The following AKAP7 variants were observed in gnomAD, a reference collection of about 807,000 sequenced individuals.
AKAP7 encodes A kinase (PRKA) anchor protein 7.
Under a neutral mutation model 39.5 loss-of-function variants are expected in AKAP7, and 39 were observed. That is an observed-to-expected ratio of 0.99 (90% CI 0.76 to 1.29). The LOEUF (loss-of-function observed/expected upper bound fraction) is 1.29, where lower values mean the gene tolerates loss of function less well. Ranked by LOEUF, AKAP7 falls within the 50% of genes most tolerant of loss-of-function variation. AKAP7 has a pLI of 0.00. For missense variants in AKAP7, 414 were observed against 407.7 expected, an observed-to-expected ratio of 1.02 and a Z score of -0.13; for synonymous variants, 140 against 139.1, an observed-to-expected ratio of 1.01 and a Z score of -0.05.
At chr6:131,186,425 A>G (rs1288549979) in intron 5 of AKAP7, among the ~76,000 whole-genome samples, 1 of 152,086 alleles carries the variant, frequency 6.6e-6, no homozygotes, top group Non-Finnish European at 1.5e-5. Context: ...ATCCAGTCTC[A>G]GGTATTTTTT....
intron 7 of AKAP7, chr6:131,250,041 C>G (rs2128318680): frequency 2.7e-6 from 1 of 368,436 alleles, no homozygotes; most frequent in African/African-American, 2.2e-5. Flanking sequence ...TTCCAGTGTT[C>G]TGCTATGTTG....
At chr6:131,250,669 G>A in intron 7 of AKAP7, 1 of 1,588,782 alleles carries the variant, frequency 6.3e-7, no homozygotes, top group Non-Finnish European at 8.6e-7. Flanking sequence ...ATTTTGTGCG[G>A]TTGTCTTCTA....
At chr6:131,270,377 G>A (rs1814168779) in intron 7 of AKAP7, among the ~76,000 whole-genome samples, 1 of 152,142 alleles carries the variant, frequency 6.6e-6, no homozygotes, top group African/African-American at 2.4e-5. Flanking sequence ...AGTTTCATCT[G>A]TATTGTTGCC....
intron 5 of AKAP7, among the ~76,000 whole-genome samples, chr6:131,193,769 C>A (rs1806648265): frequency 6.6e-6 from 1 of 152,012 alleles, no homozygotes; most frequent in Admixed American, 6.6e-5. Flanking sequence ...CTTCATGGTT[C>A]AATCTTCATA....
chr6:131,209,029 A>C (rs1388497926), intron 6 of AKAP7, among the ~76,000 whole-genome samples: 10 of 152,196 alleles, frequency 6.6e-5, no homozygotes, highest in Admixed American at 1.3e-4. Flanking sequence ...TGGGGCAGAA[A>C]ATATTTTGAA....
At chr6:131,266,408 A>G (rs145412757) in intron 7 of AKAP7, among the ~76,000 whole-genome samples, 39 of 152,330 alleles carry the variant, frequency 2.6e-4, no homozygotes, top group African/African-American at 8.9e-4. Context: ...ATTAATTTAT[A>G]TTTACATGTC....
chr6:131,169,108 A>G lies in AKAP7; in HGVS notation c.429-5A>G, dbSNP rs761934123. On this transcript the variant is annotated splice_polypyrimidine_tract_variant and splice_region_variant and intron_variant, in intron 4 of 7. Coordinates refer to ENST00000431975, the MANE Select transcript of AKAP7 (RefSeq NM_016377.4). ...GTTACTGAAAAATGTATTATTTCTTACTAGTGGTATTGATGCTCTTTTGGA... is the reference window on the plus strand; with the variant it reads ...GTTACTGAAAAATGTATTATTTCTTGCTAGTGGTATTGATGCTCTTTTGGA... The G allele has an allele frequency of 1.8e-5, 28 of 1,597,938 alleles. No homozygotes were observed. The East Asian group carries it at 2.0e-4, about 11-fold the overall frequency.
chr6:131,264,298 T>A (rs1480448068), intron 7 of AKAP7, among the ~76,000 whole-genome samples: 1 of 152,184 alleles, frequency 6.6e-6, no homozygotes, highest in Non-Finnish European at 1.5e-5. Flanking sequence ...GTTTGGTGCA[T>A]CTAGAAACCT....
At chr6:131,262,619 AT>A (rs1008103033) in intron 7 of AKAP7, among the ~76,000 whole-genome samples, 6 of 144,164 alleles carry the variant, frequency 4.2e-5, no homozygotes, top group African/African-American at 8.4e-5. Context: ...TTTTAAAAAA[AT>A]ATATATATAT....
intron 7 of AKAP7, among the ~76,000 whole-genome samples, chr6:131,274,778 G>T (rs923860280): frequency 6.6e-6 from 1 of 152,002 alleles, no homozygotes; most frequent in Non-Finnish European, 1.5e-5. Context: ...CTGACAATAT[G>T]GAATACTTCC....
intron 1 of AKAP7, among the ~76,000 whole-genome samples, chr6:131,144,303 G>A (rs555426939): frequency 1.3e-5 from 2 of 152,190 alleles, no homozygotes; most frequent in African/African-American, 4.8e-5. Context: ...GGTCGTGGCG[G>A]GGCAGAGGGG....
intron 6 of AKAP7, among the ~76,000 whole-genome samples, chr6:131,212,140 C>T (rs141257318): frequency 3.3e-5 from 5 of 152,212 alleles, no homozygotes; most frequent in South Asian, 2.1e-4. Context: ...TTTCACACGT[C>T]GTAAAGTTGA....
At chr6:131,147,418 A>G (rs1219556948) in intron 2 of AKAP7, among the ~76,000 whole-genome samples, 2 of 152,230 alleles carry the variant, frequency 1.3e-5, no homozygotes, top group Non-Finnish European at 2.9e-5. Flanking sequence ...GGGAGAAGGA[A>G]TCAGGAAGAG....
chr6:131,282,128 T>C lies in AKAP7; in HGVS notation c.*402T>C. 8.5e-7 allele frequency: 1 copy of C among 1,178,620 alleles called. No individual in the cohort carries two copies. The highest frequency in any genetic ancestry group is 1.0e-6 in the Non-Finnish European group (1 of 954,668). 73.0% of individuals were successfully genotyped at this position (1,178,620 alleles called of 1,614,324 possible). A position where few individuals can be genotyped will look rare whatever the true frequency, so the allele number is the denominator to read the frequency against. ...TGAGGCCAGAACTCTCACACACAGC[T>C]ATCAAGTGCTAAGTTTAAAATAATC... On this transcript the variant is annotated 3_prime_UTR_variant, in exon 8 of 8. Coordinates refer to ENST00000431975, the MANE Select transcript of AKAP7 (RefSeq NM_016377.4).
At chr6:131,255,242 A>G (rs942503176) in intron 7 of AKAP7, among the ~76,000 whole-genome samples, 9 of 152,188 alleles carry the variant, frequency 5.9e-5, no homozygotes, top group Admixed American at 6.5e-5. Context: ...AGACCCTAAC[A>G]TAGCGTGTTA....
chr6:131,208,309 C>T (rs1004850598), intron 6 of AKAP7, among the ~76,000 whole-genome samples: 1 of 152,064 alleles, frequency 6.6e-6, no homozygotes, highest in Non-Finnish European at 1.5e-5. Context: ...CAAAGGTAAA[C>T]CTGCTTAACA....
At chr6:131,141,774 G>A (rs952115904) in intron 1 of AKAP7, among the ~76,000 whole-genome samples, 5 of 152,152 alleles carry the variant, frequency 3.3e-5, no homozygotes, top group African/African-American at 7.2e-5. Flanking sequence ...TGCAGTTAAC[G>A]TCTCTATGTT....
chr6:131,252,475 A>G (rs1314347077), intron 7 of AKAP7, among the ~76,000 whole-genome samples: 1 of 151,826 alleles, frequency 6.6e-6, no homozygotes, highest in Non-Finnish European at 1.5e-5. Context: ...CTCCGTTCAC[A>G]CTCCCCATGG....
chr6:131,162,193 G>A (rs1169574470), intron 3 of AKAP7, among the ~76,000 whole-genome samples: 2 of 152,170 alleles, frequency 1.3e-5, no homozygotes, highest in East Asian at 3.9e-4. Context: ...AGGTGGGGAA[G>A]GGGATTGAGA....
Sources: allele counts gnomAD v4.1 joint callset (sites outside exome capture counted in the v4.1 genomes callset), GRCh38; gene constraint gnomAD v4.1.1; transcripts MANE v1.5; gene names NCBI Gene and HGNC (gene_info 2026-07-23, HGNC 2026-07-21).